SEL1L3: variants seen among roughly 807,000 people sequenced by gnomAD.
The protein encoded by SEL1L3 is SEL1L family member 3, also known as protein sel-1 homolog 3.
Under a neutral mutation model 142.8 loss-of-function variants are expected in SEL1L3, and 76 were observed. The observed-to-expected ratio is 0.53, with a 90% CI of 0.44 to 0.64. The LOEUF is 0.64. SEL1L3 is among the 30% of genes least tolerant of loss of function. The pLI is 0.00. For missense variants in SEL1L3, 1,262 were observed against 1,381.7 expected (o/e 0.91, Z 1.37); for synonymous variants, 504 against 519.6 (o/e 0.97, Z 0.41).
At chr4:25,736,836 A>G in the SEL1L3 span, among the ~76,000 whole-genome samples, 1 of 142,842 alleles carries the variant, frequency 7.0e-6, no homozygotes, top group South Asian at 2.3e-4. Flanking sequence ...GTGGGCATAT[A>G]TATATATTCC....
chr4:25,737,306 A>G, the SEL1L3 span, among the ~76,000 whole-genome samples: 1 of 152,054 alleles, frequency 6.6e-6, no homozygotes, highest in Non-Finnish European at 1.5e-5. Flanking sequence ...AAACAACAGA[A>G]CTTTATTTCT....
the SEL1L3 span, chr4:25,719,790 A>G: frequency 6.6e-6 from 1 of 152,186 alleles, no homozygotes; most frequent in Non-Finnish European, 1.5e-5. Flanking sequence ...TACGTACTGG[A>G]GATTGAAACT....
At chr4:25,795,130 A>G (rs1009343458) in intron 11 of SEL1L3, among the ~76,000 whole-genome samples, 12 of 152,210 alleles carry the variant, frequency 7.9e-5, no homozygotes, top group East Asian at 1.9e-4. Flanking sequence ...ATGAGTTGAT[A>G]GGTGCAGCAA....
At chr4:25,749,632 A>T (rs1254589694) in intron 23 of SEL1L3, among the ~76,000 whole-genome samples, 1 of 152,156 alleles carries the variant, frequency 6.6e-6, no homozygotes, top group Non-Finnish European at 1.5e-5. Flanking sequence ...GACTAGAATC[A>T]AGGTAACCAG....
the SEL1L3 span, among the ~76,000 whole-genome samples, chr4:25,730,417 T>A: frequency 6.6e-6 from 1 of 152,042 alleles, no homozygotes; most frequent in Non-Finnish European, 1.5e-5. Flanking sequence ...AGGAAACTAG[T>A]TAGTCCGATA....
At chr4:25,744,974 C>T (rs1310718389), downstream of SEL1L3, among the ~76,000 whole-genome samples, 3 of 152,178 alleles carry the variant, frequency 2.0e-5, no homozygotes, top group Non-Finnish European at 4.4e-5. Context: ...GTATTTGGTA[C>T]TTGGTTATGG....
At chr4:25,735,208 CT>C in the SEL1L3 span, among the ~76,000 whole-genome samples, 4 of 151,242 alleles carry the variant, frequency 2.6e-5, no homozygotes, top group African/African-American at 7.3e-5. Context: ...GCTATCTATT[CT>C]TTTTTTTTCC....
rs1712225610 is a variant in SEL1L3, at chr4:25,790,576, T to TGAGAAGGAAGGAGGGA, written c.1957-18_1957-3dup. On this transcript the variant is annotated splice_region_variant and splice_polypyrimidine_tract_variant and intron_variant, in intron 11 of 23. Coordinates refer to ENST00000399878, the MANE Select transcript of SEL1L3 (RefSeq NM_015187.5). ...TAGTCTAATTGTTTCAACATATGCC[T>TGAGAAGGAAGGAGGGA]GAGAAGGAAGGAGGGAAAGAAGGAA... 6.3e-7 allele frequency: 1 copy of TGAGAAGGAAGGAGGGA among 1,591,520 alleles called. No homozygotes were observed. Among genetic ancestry groups the TGAGAAGGAAGGAGGGA allele is most frequent in the East Asian group, 2.3e-5 (1 of 44,204 alleles).
At chr4:25,770,387 A>C (rs1719072995) in intron 17 of SEL1L3, 1 of 152,176 alleles carries the variant, frequency 6.6e-6, no homozygotes, top group South Asian at 2.1e-4. Flanking sequence ...GAAACACTGA[A>C]ATCCATCAGA....
At chr4:25,749,668 T>C (rs1717461288) in intron 23 of SEL1L3, among the ~76,000 whole-genome samples, 1 of 152,186 alleles carries the variant, frequency 6.6e-6, no homozygotes, top group African/African-American at 2.4e-5. Flanking sequence ...GTTTAAAAAA[T>C]TACAGAGTAT....
At chr4:25,778,130 C>T (rs1455207825) in intron 16 of SEL1L3, among the ~76,000 whole-genome samples, 1 of 152,088 alleles carries the variant, frequency 6.6e-6, no homozygotes, top group Admixed American at 6.6e-5. Context: ...CACCATACCT[C>T]AGGAACCTAC....
chr4:25,773,008 G>T (rs1719341970), intron 17 of SEL1L3, among the ~76,000 whole-genome samples: 1 of 152,110 alleles, frequency 6.6e-6, no homozygotes, highest in African/African-American at 2.4e-5. Context: ...TGTTGGTCAG[G>T]CTGGTCTCAA....
At chr4:25,796,767 G>A (rs529742947) in intron 11 of SEL1L3, among the ~76,000 whole-genome samples, 7 of 150,120 alleles carry the variant, frequency 4.7e-5, no homozygotes, top group South Asian at 4.2e-4. Context: ...ACTCTATCTC[G>A]AAAAAAACAA....
chr4:25,853,664 C>CTTTTTTTTTTTTT (rs34922528), intron 1 of SEL1L3, among the ~76,000 whole-genome samples: 3 of 83,054 alleles, frequency 3.6e-5, no homozygotes, highest in African/African-American at 5.6e-5. Context: ...CTCTTCTTAC[C>CTTTTTTTTTTTTT]TTTTTTTTTT....
chr4:25,829,966 G>A, intron 6 of SEL1L3, 132 bp downstream of exon 6: 2 of 657,034 alleles, frequency 3.0e-6, no homozygotes, highest in Non-Finnish European at 5.5e-6. Context: ...TAGCTACAGG[G>A]CAGAGAATAA....
At chr4:25,724,760 A>G in the SEL1L3 span, among the ~76,000 whole-genome samples, 5,097 of 72,708 alleles carry the variant, frequency 0.07, 731 homozygotes, top group African/African-American at 0.17. Context: ...AAAAAAAAAA[A>G]AAAAAAAAAA....
chr4:25,803,307 T>G (rs1208795194), intron 10 of SEL1L3, among the ~76,000 whole-genome samples: 1 of 152,248 alleles, frequency 6.6e-6, no homozygotes, highest in Non-Finnish European at 1.5e-5. Flanking sequence ...TTGTGGGGAC[T>G]GCTTCCGGGA....
At chr4:25,752,304 C>T (rs1371771475) in intron 23 of SEL1L3, among the ~76,000 whole-genome samples, 1 of 150,338 alleles carries the variant, frequency 6.7e-6, no homozygotes, top group Non-Finnish European at 1.5e-5. Flanking sequence ...GTAGTCCCAG[C>T]TACTCAGGAG....
At chr4:25,759,564 C>T (rs1718236111) in intron 20 of SEL1L3, 2 of 156,150 alleles carry the variant, frequency 1.3e-5, no homozygotes, top group Admixed American at 6.2e-5. Flanking sequence ...TCTCAACTTT[C>T]CTAGGCTGGT....
Sources: gnomAD v4.1 joint callset for allele counts (sites outside exome capture counted in the v4.1 genomes callset) on GRCh38, gnomAD v4.1.1 for gene constraint, MANE v1.5 for transcripts, NCBI Gene and HGNC (gene_info 2026-07-23, HGNC 2026-07-21) for gene names.